DNASE1: variants seen among roughly 807,000 people sequenced by gnomAD.
DNASE1 encodes the protein deoxyribonuclease-1.
Under a neutral mutation model 33.9 loss-of-function variants are expected in DNASE1, and 40 were observed. The ratio of observed to expected loss-of-function variants is 1.18; its 90% CI spans 0.92 to 1.54. The LOEUF (loss-of-function observed/expected upper bound fraction) is 1.54, where lower values mean the gene tolerates loss of function less well. Among genes scored for constraint, DNASE1 ranks in the 40% most tolerant of loss-of-function variants. The probability of loss-of-function intolerance (pLI) is 0.00; values close to 1 mark genes in which losing one functional copy is unlikely to be tolerated. For synonymous variants in DNASE1, 216 were observed against 160.0 expected (o/e 1.35, Z -2.64); for missense variants, 518 against 372.6 (o/e 1.39, Z -3.21).
At chr16:3,630,301 C>T (rs946975882) in intron 1 of DNASE1, among the ~76,000 whole-genome samples, 2 of 152,138 alleles carry the variant, frequency 1.3e-5, no homozygotes, top group African/African-American at 2.4e-5. Context: ...CCCACCTTGG[C>T]GCCCCAAGTA....
In DNASE1 at chr16:3,657,108, G is replaced by A. The variant is rs765308996; in HGVS notation, c.546G>A (p.Leu182=). The A allele has an allele frequency of 4.3e-6, 7 of 1,614,004 alleles. No homozygotes were observed. In the African/African-American group the frequency reaches 5.3e-5, roughly 12 times the overall value. The stretch of plus-strand genomic sequence containing the variant: ...TGGATGTCCAAGAGAAATGGGGCTT[G>A]GAGGTGAGGCCCTCCCAGGGGCAGT... The part of the protein sequence containing the change: ...VYLDVQEKWG[L]EDVMLMGDFN... Residue 182 remains leucine, a synonymous_variant, in exon 6 of 9, where the codon TTG becomes TTA. Coordinates refer to ENST00000246949, the MANE Select transcript of DNASE1 (RefSeq NM_005223.4).
At chr16:3,646,588 C>T (rs1005711667) in intron 1 of DNASE1, among the ~76,000 whole-genome samples, 9 of 152,126 alleles carry the variant, frequency 5.9e-5, no homozygotes, top group East Asian at 5.8e-4. Context: ...GCAGGCAGAG[C>T]GGAAGGCTCA....
intron 1 of DNASE1, among the ~76,000 whole-genome samples, chr16:3,621,208 C>T (rs150577090): frequency 1.2e-3 from 177 of 152,150 alleles, no homozygotes; most frequent in African/African-American, 4.1e-3. Context: ...GCCTCAGTAT[C>T]CCGAGTAGCC....
At chr16:3,656,286 C>G in intron 4 of DNASE1, 101 bp downstream of exon 4, 3 of 1,294,320 alleles carry the variant, frequency 2.3e-6, no homozygotes, top group Non-Finnish European at 2.2e-6. Context: ...TGGCAAGAAC[C>G]TGAGGCTTCA....
At chr16:3,661,180 T>TA (rs1212852723), downstream of DNASE1, 1 of 152,116 alleles carries the variant, frequency 6.6e-6, no homozygotes, top group African/African-American at 2.4e-5. Context: ...ACCAGAACCC[T>TA]ACAGAGAATG....
chr16:3,612,831 A>G (rs935760249), intron 1 of DNASE1, among the ~76,000 whole-genome samples: 1 of 152,158 alleles, frequency 6.6e-6, no homozygotes, highest in Non-Finnish European at 1.5e-5. Flanking sequence ...GTGGAGCGAA[A>G]AGAATGGAGA....
intron 1 of DNASE1, among the ~76,000 whole-genome samples, chr16:3,629,812 T>C (rs190192259): frequency 5.9e-4 from 90 of 152,234 alleles, no homozygotes; most frequent in African/African-American, 2.1e-3. Context: ...AGGGGTTTTT[T>C]AATTTGTTTT....
chr16:3,655,611 C>A, intron 2 of DNASE1, 91 bp downstream of exon 2: 1 of 1,587,038 alleles, frequency 6.3e-7, no homozygotes, highest in South Asian at 1.1e-5. Flanking sequence ...CACAGGGTGT[C>A]GGGTGTGGGG....
chr16:3,643,476 C>T (rs2042080364), intron 1 of DNASE1, among the ~76,000 whole-genome samples: 1 of 152,212 alleles, frequency 6.6e-6, no homozygotes. Context: ...CTGTTCTTTC[C>T]AAAGACTGCA....
chr16:3,613,504 T>A (rs2151148110), intron 1 of DNASE1, among the ~76,000 whole-genome samples: 1 of 152,354 alleles, frequency 6.6e-6, no homozygotes, highest in South Asian at 2.1e-4. Flanking sequence ...TTCTGAATGT[T>A]GAGCTTCAAA....
chr16:3,621,094 G>A (rs545926377), intron 1 of DNASE1, among the ~76,000 whole-genome samples: 14 of 152,054 alleles, frequency 9.2e-5, no homozygotes, highest in Non-Finnish European at 1.8e-4. Flanking sequence ...CACTGTGCCC[G>A]GCCTATTTTA....
In DNASE1 at chr16:3,657,933, G is replaced by C; in HGVS notation, c.829G>C (p.Val277Leu). 1 of 1,613,196 alleles carries C rather than the reference G, an allele frequency of 6.2e-7. No homozygotes were observed. The highest frequency in any genetic ancestry group is 1.1e-5 in the South Asian group (1 of 91,072). Residue 277 changes from valine to leucine, a missense_variant, in exon 9 of 9, where the codon GTG becomes CTG. Val to Leu is a conservative substitution (Grantham distance 32, BLOSUM62 1). Coordinates refer to ENST00000246949, the MANE Select transcript of DNASE1 (RefSeq NM_005223.4). Reference protein sequence around the residue: ...LAQAISDHYPVEVMLK With the variant: ...LAQAISDHYPLEVMLK ...CCAAGCCATCAGTGACCACTATCCA[G>C]TGGAGGTGATGCTGAAGTGAGCAGC...
chr16:3,625,138 C>G (rs1437848856), intron 1 of DNASE1, among the ~76,000 whole-genome samples: 1 of 152,130 alleles, frequency 6.6e-6, no homozygotes, highest in Non-Finnish European at 1.5e-5. Flanking sequence ...GAAACCCCGT[C>G]TCTACTAAAA....
intron 1 of DNASE1, among the ~76,000 whole-genome samples, chr16:3,622,455 T>C (rs1025019605): frequency 5.3e-5 from 8 of 152,218 alleles, no homozygotes; most frequent in African/African-American, 1.9e-4. Flanking sequence ...TTGTGGGCTT[T>C]GCATTCTTTT....
intron 2 of DNASE1, 23 bp downstream of exon 2, chr16:3,655,543 C>T: frequency 6.2e-7 from 1 of 1,613,828 alleles, no homozygotes; most frequent in Non-Finnish European, 8.5e-7. Context: ...CAGCCTCCCC[C>T]CAAAAGCAGA....
chr16:3,649,680 TAGTA>T (rs1266129235), intron 1 of DNASE1, among the ~76,000 whole-genome samples: 3 of 152,206 alleles, frequency 2.0e-5, no homozygotes, highest in Non-Finnish European at 4.4e-5. Flanking sequence ...ATTATTTTAA[TAGTA>T]AGCCAAAAGA....
Position 3,656,082 on chromosome 16 carries a change from C to A in DNASE1, c.237-20C>A, listed in dbSNP as rs771238660. ...CCCCTATGGCCCCCGCCACTGGGAC[C>A]TTTTGTTTCTTCAATCCAGGGATGC... On this transcript the variant is annotated intron_variant, in intron 3 of 8. Transcript: ENST00000246949. The A allele has an allele frequency of 3.1e-6, 5 of 1,613,888 alleles. No homozygotes were observed. The Admixed American group carries it at 6.7e-5, about 22-fold the overall frequency.
At chr16:3,631,354 C>G (rs751431860) in intron 1 of DNASE1, among the ~76,000 whole-genome samples, 4 of 151,570 alleles carry the variant, frequency 2.6e-5, no homozygotes, top group Non-Finnish European at 5.9e-5. Context: ...ACAAGTGCCC[C>G]CCACCACACC....
chr16:3,628,365 A>G (rs1596575792), intron 1 of DNASE1, among the ~76,000 whole-genome samples: 1 of 152,230 alleles, frequency 6.6e-6, no homozygotes, highest in Admixed American at 6.6e-5. Flanking sequence ...TTTACATATC[A>G]TATTAAATCT....
Sources: gnomAD v4.1 joint callset for allele counts (sites outside exome capture counted in the v4.1 genomes callset) on GRCh38, gnomAD v4.1.1 for gene constraint, MANE v1.5 for transcripts, NCBI Gene and HGNC (gene_info 2026-07-23, HGNC 2026-07-21) for gene names.